Variants in OTUD7A observed in about 807,000 individuals in gnomAD.
The protein encoded by OTUD7A is OTU domain-containing protein 7A.
OTUD7A carries 12 observed loss-of-function variants against 65.7 expected under a neutral mutation model. The ratio of observed to expected loss-of-function variants is 0.18; its 90% CI spans 0.12 to 0.30. OTUD7A has a LOEUF of 0.30. Among genes scored for constraint, OTUD7A ranks in the 10% least tolerant of loss-of-function variants. OTUD7A has a pLI of 1.00. For missense variants in OTUD7A, 1,148 were observed against 1,304.8 expected (o/e 0.88, Z 1.85); for synonymous variants, 641 against 586.3 (o/e 1.09, Z -1.35).
At chr15:31,713,150 T>A (rs772909847) in intron 1 of OTUD7A, among the ~76,000 whole-genome samples, 22 of 152,220 alleles carry the variant, frequency 1.4e-4, no homozygotes, top group Non-Finnish European at 3.1e-4. Flanking sequence ...GAAAGCCATA[T>A]GAGAAAATCT....
intron 9 of OTUD7A, 132 bp from the exon 10 acceptor site, chr15:31,501,971 G>C (rs899607307): frequency 9.6e-7 from 1 of 1,042,686 alleles, no homozygotes; most frequent in Non-Finnish European, 1.4e-6. Context: ...GGGGTGGATG[G>C]AGGCGGTGCT....
rs1053070661 is a variant in OTUD7A, at chr15:31,590,367, A to C, written c.152-20170T>G. Among the ~76,000 whole-genome samples, 26 of 152,352 alleles carry C rather than the reference A, an allele frequency of 1.7e-4. 1 individual carries two copies. The highest frequency in any genetic ancestry group is 3.4e-4 in the Non-Finnish European group (23 of 68,034). On this transcript the variant is annotated intron_variant, in intron 3 of 12. Transcript: ENST00000307050. ...CATAAGGTATTTCTGTCATTCAGTG[A>C]TGAATGACTATATATGTGTGTGTTT...
intron 3 of OTUD7A, among the ~76,000 whole-genome samples, chr15:31,581,653 C>T (rs1167033791): frequency 6.6e-6 from 1 of 152,240 alleles, no homozygotes; most frequent in Non-Finnish European, 1.5e-5. Flanking sequence ...GGCCTGAGCT[C>T]TACATGGGCC....
In OTUD7A at chr15:31,484,662, G is replaced by A. The variant is rs149179005; in HGVS notation, c.1434C>T (p.Ala478=). The change falls in exon 13 of 13, where the codon GCC becomes GCT. Residue 478 remains alanine, a synonymous_variant. Transcript: ENST00000307050. The surrounding 1 kb of genome is among the most constrained non-coding windows in gnomAD (Gnocchi z 4.5). ...AATCGCGGTCCGAGTCCAGCGAGTC[G>A]GCCAGGGACTGCACGTCCTCCCCTG... ...ASAGEDVQSL[A]DSLDSDRDSV... 2.0e-5 allele frequency: 31 copies of A among 1,582,754 alleles called. No individual in the cohort carries two copies. In the African/African-American group the frequency reaches 3.9e-4, roughly 20 times the overall value.
rs115022940 is a variant in OTUD7A at position 31,860,069 on chromosome 15, A to G, written c.-100+10438T>C. ...TTAAGGATTGTTTCAAATATGACAT[A>G]TCCATGTGACCTTCCATTTTCTCTT... On this transcript the variant is annotated intron_variant, in intron 1 of 12. Coordinates refer to ENST00000307050, the MANE Select transcript of OTUD7A (RefSeq NM_001382637.1). Among the ~76,000 whole-genome samples, 1,066 of 152,296 alleles carry G rather than the reference A, an allele frequency of 7.0e-3. 15 individuals are homozygous for G. Among genetic ancestry groups the G allele is most frequent in the African/African-American group, 0.025 (1,026 of 41,558 alleles).
Position 31,579,763 on chromosome 15 carries a change from CCA to C in OTUD7A, c.152-9568_152-9567del, listed in dbSNP as rs1444549413. On this transcript the variant is annotated intron_variant, in intron 3 of 12. Coordinates refer to ENST00000307050, the MANE Select transcript of OTUD7A (RefSeq NM_001382637.1). ...ACACACATACAATAGCTCCCCTAAT[CCA>C]CAGTTTCAATACATATATACTCTCT... 2.6e-5 allele frequency among the ~76,000 whole-genome samples: 4 copies of C among 152,294 alleles called. No homozygotes were observed. The East Asian group carries it at 5.8e-4, about 22-fold the overall frequency.
At chr15:31,696,860 A>G (rs1453159061) in intron 1 of OTUD7A, among the ~76,000 whole-genome samples, 2 of 150,052 alleles carry the variant, frequency 1.3e-5, no homozygotes, top group African/African-American at 2.4e-5. Context: ...GGGGAGTCCA[A>G]GCATCTTGTT....
At chr15:31,607,727 C>T (rs7177470) in intron 3 of OTUD7A, among the ~76,000 whole-genome samples, 4,847 of 152,214 alleles carry the variant, frequency 0.032, 132 homozygotes, top group African/African-American at 0.071. Flanking sequence ...CAATTACCTA[C>T]GGTACTGAGT....
Position 31,478,795 on chromosome 15 carries a change from G to A in OTUD7A, c.*4499C>T, listed in dbSNP as rs564547221. ...GTCTTTTGTGACAGAAGCTTGCAGA[G>A]TGGTCCAGCCTGGATGTGCCGCAGG... is the stretch of plus-strand genomic sequence containing the variant. On this transcript the variant is annotated 3_prime_UTR_variant, in exon 13 of 13. Transcript: ENST00000307050. 6.6e-5 allele frequency: 10 copies of A among 152,394 alleles called. No homozygotes were observed. In the East Asian group the frequency reaches 1.9e-3, roughly 29 times the overall value. 9.4% of individuals were successfully genotyped at this position (152,394 alleles called of 1,614,324 possible).
chr15:31,567,006 G>A (rs907414479), intron 4 of OTUD7A, among the ~76,000 whole-genome samples: 3 of 152,144 alleles, frequency 2.0e-5, no homozygotes, highest in African/African-American at 7.2e-5. Context: ...GCAAGAAAGG[G>A]CTAACACAGA....
chr15:31,614,143 T>C lies in OTUD7A; in HGVS notation c.151+40953A>G, dbSNP rs114136940. On this transcript the variant is annotated intron_variant, in intron 3 of 12. Transcript: ENST00000307050. ...GGAATGATACAATGGACTTGTGGAC[T>C]TGGGGGAAGAATGGGAGGAGGGCAA... Among the ~76,000 whole-genome samples the C allele has an allele frequency of 3.4e-3, 513 of 152,202 alleles. 3 individuals are homozygous for C. Among genetic ancestry groups the C allele is most frequent in the African/African-American group, 0.012 (496 of 41,536 alleles).
At chr15:31,847,374 C>T (rs1180720156) in intron 1 of OTUD7A, among the ~76,000 whole-genome samples, 1 of 152,156 alleles carries the variant, frequency 6.6e-6, no homozygotes, top group Non-Finnish European at 1.5e-5. Flanking sequence ...AGCAAGACAG[C>T]CGCTCTCCTC....
At chr15:31,542,351 C>T (rs1888011025) in intron 5 of OTUD7A, among the ~76,000 whole-genome samples, 1 of 151,832 alleles carries the variant, frequency 6.6e-6, no homozygotes, top group Admixed American at 6.6e-5. Context: ...ATTTGGAAAA[C>T]ACATATAGAA....
At chr15:31,752,253 G>A (rs143453617) in intron 1 of OTUD7A, among the ~76,000 whole-genome samples, 37 of 152,180 alleles carry the variant, frequency 2.4e-4, no homozygotes, top group Non-Finnish European at 4.7e-4. Flanking sequence ...TGATGTGTAT[G>A]GATACATACA....
chr15:31,675,219 G>T (rs1892570102), intron 1 of OTUD7A, among the ~76,000 whole-genome samples: 1 of 152,124 alleles, frequency 6.6e-6, no homozygotes, highest in Non-Finnish European at 1.5e-5. Flanking sequence ...TAGAGCCTTG[G>T]AGCTGCTGCA....
intron 3 of OTUD7A, among the ~76,000 whole-genome samples, chr15:31,605,351 G>A (rs549706238): frequency 1.3e-5 from 2 of 152,318 alleles, no homozygotes; most frequent in East Asian, 3.9e-4. Flanking sequence ...GGCCACTCTG[G>A]ACACACAGGG....
At chr15:31,539,204 C>T (rs1887903846) in intron 5 of OTUD7A, among the ~76,000 whole-genome samples, 1 of 152,174 alleles carries the variant, frequency 6.6e-6, no homozygotes, top group Non-Finnish European at 1.5e-5. Context: ...TTCCTCCCCA[C>T]ACCCCAATTC....
chr15:31,528,344 C>A (rs1055179711), intron 6 of OTUD7A, among the ~76,000 whole-genome samples: 1 of 151,984 alleles, frequency 6.6e-6, no homozygotes, highest in African/African-American at 2.4e-5. Flanking sequence ...CCAGAGGGGG[C>A]AGTACTTGAG....
chr15:31,479,484 TAA>T lies in OTUD7A; in HGVS notation c.*3808_*3809del, dbSNP rs955035389. The T allele has an allele frequency of 3.3e-5, 5 of 152,192 alleles. No homozygotes were observed. Among genetic ancestry groups the T allele is most frequent in the African/African-American group, 1.2e-4 (5 of 41,436 alleles). 9.4% of individuals were successfully genotyped at this position (152,192 alleles called of 1,614,324 possible). A position where few individuals can be genotyped will look rare whatever the true frequency, so the allele number is the denominator to read the frequency against. ...CTTTTACTCCAGGTCTCTTCGTAAA[TAA>T]AAGACTCACATGGAATGGAACTTAC... On this transcript the variant is annotated 3_prime_UTR_variant, in exon 13 of 13. Transcript: ENST00000307050.
Sources: gnomAD v4.1 joint callset for allele counts (sites outside exome capture counted in the v4.1 genomes callset) on GRCh38, gnomAD v4.1.1 for gene constraint, Gnocchi (gnomAD v3.1) non-coding constraint, MANE v1.5 for transcripts, NCBI Gene and HGNC (gene_info 2026-07-23, HGNC 2026-07-21) for gene names.